FSTL5: variants seen among roughly 807,000 people sequenced by gnomAD.
The protein encoded by FSTL5 is follistatin-related protein 5.
In FSTL5, 62 loss-of-function variants were observed where a neutral mutation model predicts 89.1. The observed-to-expected ratio is 0.70, with a 90% CI of 0.57 to 0.86. FSTL5 has a LOEUF of 0.86. FSTL5 is among the 40% of genes least tolerant of loss of function. The pLI is 0.00. For synonymous variants in FSTL5, 383 were observed against 346.2 expected (o/e 1.11, Z -1.18); for missense variants, 1,057 against 1,001.6 (o/e 1.06, Z -0.75).
intron 11 of FSTL5, among the ~76,000 whole-genome samples, chr4:161,505,707 T>C (rs2126492598): frequency 6.6e-6 from 1 of 152,300 alleles, no homozygotes; most frequent in East Asian, 1.9e-4. Context: ...GTATCACACA[T>C]GCATATATAT....
intron 7 of FSTL5, among the ~76,000 whole-genome samples, chr4:161,607,192 T>C (rs1186756454): frequency 6.6e-6 from 1 of 152,174 alleles, no homozygotes; most frequent in African/African-American, 2.4e-5. Context: ...GAAAACTGTA[T>C]TGTCCATGTT....
At chr4:162,126,630 CTA>C (rs1413290390) in intron 1 of FSTL5, among the ~76,000 whole-genome samples, 3 of 149,890 alleles carry the variant, frequency 2.0e-5, no homozygotes, top group Non-Finnish European at 4.4e-5. Flanking sequence ...ACTTAAATGT[CTA>C]TAGATTTTTT....
chr4:161,429,502 T>C (rs142348948), intron 15 of FSTL5, among the ~76,000 whole-genome samples: 27 of 152,242 alleles, frequency 1.8e-4, no homozygotes, highest in Middle Eastern at 6.8e-3. Flanking sequence ...GCCAGCTCCA[T>C]TGAGTTCAGC....
chr4:161,568,184 T>G (rs1229022925), intron 8 of FSTL5, among the ~76,000 whole-genome samples: 1 of 152,056 alleles, frequency 6.6e-6, no homozygotes, highest in Non-Finnish European at 1.5e-5. Context: ...GCAGGTAATA[T>G]TTTGTCCTTT....
intron 7 of FSTL5, among the ~76,000 whole-genome samples, chr4:161,643,753 G>A (rs1251095473): frequency 6.6e-6 from 1 of 152,114 alleles, no homozygotes. Context: ...AGAAATTGTT[G>A]AACTGTGCTA....
intron 8 of FSTL5, among the ~76,000 whole-genome samples, chr4:161,543,644 A>G (rs1448565916): frequency 6.6e-6 from 1 of 152,066 alleles, no homozygotes; most frequent in Non-Finnish European, 1.5e-5. Context: ...GAGTGCAGAA[A>G]TAAACATACA....
chr4:161,465,924 G>A (rs1004676346), intron 13 of FSTL5, among the ~76,000 whole-genome samples: 25 of 152,060 alleles, frequency 1.6e-4, no homozygotes, highest in African/African-American at 4.1e-4. Context: ...AAAAAGTTTC[G>A]AATAATAATT....
At chr4:162,029,234 A>T (rs1461195559) in intron 3 of FSTL5, among the ~76,000 whole-genome samples, 1 of 151,932 alleles carries the variant, frequency 6.6e-6, no homozygotes, top group Non-Finnish European at 1.5e-5. Flanking sequence ...TTATTGTCCC[A>T]AATACACACT....
At chr4:161,949,838 T>A (rs1295419412) in intron 3 of FSTL5, among the ~76,000 whole-genome samples, 1 of 152,002 alleles carries the variant, frequency 6.6e-6, no homozygotes, top group Admixed American at 6.6e-5. Flanking sequence ...CTTTAATTCC[T>A]CATCTGCCCA....
intron 1 of FSTL5, among the ~76,000 whole-genome samples, chr4:162,162,768 G>A (rs1733744510): frequency 6.6e-6 from 1 of 152,154 alleles, no homozygotes; most frequent in Non-Finnish European, 1.5e-5. Flanking sequence ...GCATGCAAGA[G>A]GTTAAACATT....
intron 6 of FSTL5, among the ~76,000 whole-genome samples, chr4:161,741,780 C>T (rs1291717210): frequency 2.0e-5 from 3 of 151,204 alleles, no homozygotes; most frequent in African/African-American, 4.9e-5. Context: ...GTTCGCCTCC[C>T]GGTTTCAAGC....
chr4:162,092,322 G>A (rs768362163), intron 2 of FSTL5, among the ~76,000 whole-genome samples: 7 of 152,164 alleles, frequency 4.6e-5, no homozygotes, highest in Non-Finnish European at 7.4e-5. Flanking sequence ...ATTCCTTCAC[G>A]AAATATTCTT....
intron 8 of FSTL5, among the ~76,000 whole-genome samples, chr4:161,556,818 TTA>T (rs1347720310): frequency 2.2e-5 from 3 of 133,864 alleles, no homozygotes; most frequent in Non-Finnish European, 5.1e-5. Context: ...CGGTAAAAGA[TTA>T]TATATATATG....
intron 3 of FSTL5, among the ~76,000 whole-genome samples, chr4:161,990,820 A>G (rs1309724581): frequency 6.6e-6 from 1 of 152,204 alleles, no homozygotes; most frequent in African/African-American, 2.4e-5. Context: ...TCTCTATTAA[A>G]TGAAATATGT....
intron 5 of FSTL5, among the ~76,000 whole-genome samples, chr4:161,765,359 A>G (rs1740957146): frequency 6.6e-6 from 1 of 152,170 alleles, no homozygotes; most frequent in Non-Finnish European, 1.5e-5. Flanking sequence ...ACTTTGTCCC[A>G]CTGAAACAGC....
At chr4:161,869,950 CCTAT>C (rs1421623004) in intron 4 of FSTL5, among the ~76,000 whole-genome samples, 3 of 152,166 alleles carry the variant, frequency 2.0e-5, no homozygotes, top group African/African-American at 7.2e-5. Context: ...CTTTCCTCCT[CCTAT>C]CTCACTTTCC....
intron 4 of FSTL5, among the ~76,000 whole-genome samples, chr4:161,816,160 A>G (rs567375737): frequency 1.3e-5 from 2 of 152,302 alleles, no homozygotes; most frequent in East Asian, 3.9e-4. Flanking sequence ...GGACCCTGGC[A>G]AATAAACTGA....
At chr4:162,065,709 G>A (rs78285798) in intron 2 of FSTL5, among the ~76,000 whole-genome samples, 5,954 of 151,464 alleles carry the variant, frequency 0.039, 177 homozygotes, top group East Asian at 0.11. Context: ...TCTACTTCTC[G>A]GTACATAGCC....
At chr4:162,009,139 A>G (rs1736690970) in intron 3 of FSTL5, among the ~76,000 whole-genome samples, 1 of 152,032 alleles carries the variant, frequency 6.6e-6, no homozygotes, top group Admixed American at 6.6e-5. Context: ...TTCAACAATA[A>G]TCAGAACCGA....
Sources: allele counts gnomAD v4.1 joint callset (sites outside exome capture counted in the v4.1 genomes callset), GRCh38; gene constraint gnomAD v4.1.1; transcripts MANE v1.5; gene names NCBI Gene and HGNC (gene_info 2026-07-23, HGNC 2026-07-21).